Variants in FHIT observed in about 807,000 individuals in gnomAD.
FHIT encodes bis(5'-adenosyl)-triphosphatase.
Under a neutral mutation model 17.9 loss-of-function variants are expected in FHIT, and 19 were observed. The ratio of observed to expected loss-of-function variants is 1.06; its 90% confidence interval spans 0.74 to 1.56. The LOEUF is 1.56. Ranked by LOEUF, FHIT falls within the 40% of genes most tolerant of loss-of-function variation. FHIT has a pLI of 0.00. For missense variants in FHIT, 248 were observed against 189.2 expected, an observed-to-expected ratio of 1.31 and a Z score of -1.82; for synonymous variants, 81 against 69.7, an observed-to-expected ratio of 1.16 and a Z score of -0.81.
intron 2 of FHIT, among the ~76,000 whole-genome samples, chr3:61,175,803 G>T (rs2038140674): frequency 6.6e-6 from 1 of 152,132 alleles, no homozygotes; most frequent in Admixed American, 6.5e-5. Context: ...AGTCCTACTG[G>T]TGCATTGATC....
chr3:61,087,382 G>T (rs2035338730), intron 2 of FHIT, among the ~76,000 whole-genome samples: 2 of 152,054 alleles, frequency 1.3e-5, no homozygotes, highest in South Asian at 4.2e-4. Context: ...TTTCTCTGGA[G>T]TGTGACAAAC....
intron 4 of FHIT, among the ~76,000 whole-genome samples, chr3:60,610,681 G>A (rs984555038): frequency 1.8e-4 from 27 of 152,196 alleles, no homozygotes; most frequent in South Asian, 1.0e-3. Flanking sequence ...AGCAAACTTC[G>A]AAAAAATATT....
Position 60,867,328 on chromosome 3 carries a change from A to G in FHIT, c.-110-45317T>C, listed in dbSNP as rs181373019. ...GTACTCATAAGCAAATATAGGAGAC[A>G]TCACAAAGATGCAAATATGTATTCA... is the stretch of plus-strand genomic sequence containing the variant. On this transcript the variant is annotated intron_variant, in intron 3 of 9. Transcript: ENST00000492590. 1.3e-3 allele frequency among the ~76,000 whole-genome samples: 199 copies of G among 152,320 alleles called. 1 individual carries two copies. The highest frequency in any genetic ancestry group is 4.7e-3 in the African/African-American group (194 of 41,578).
intron 8 of FHIT, among the ~76,000 whole-genome samples, chr3:59,863,653 T>C (rs1161671694): frequency 6.6e-6 from 1 of 152,194 alleles, no homozygotes; most frequent in Non-Finnish European, 1.5e-5. Context: ...TGAAAACAAG[T>C]GAATGAATTA....
chr3:60,404,329 A>C (rs1701769070), intron 5 of FHIT, among the ~76,000 whole-genome samples: 1 of 152,202 alleles, frequency 6.6e-6, no homozygotes, highest in Admixed American at 6.5e-5. Flanking sequence ...TTACCTAGAA[A>C]AACAAACAAA....
At chr3:61,163,514 T>G (rs76155799) in intron 2 of FHIT, among the ~76,000 whole-genome samples, 1 of 152,082 alleles carries the variant, frequency 6.6e-6, no homozygotes, top group Admixed American at 6.6e-5. Context: ...AGCAGGAAAG[T>G]CTCTCTGACC....
chr3:60,132,755 T>C (rs1205548835), intron 5 of FHIT, among the ~76,000 whole-genome samples: 1 of 152,166 alleles, frequency 6.6e-6, no homozygotes, highest in African/African-American at 2.4e-5. Context: ...CTGATTTTTA[T>C]GGATCTACAT....
chr3:60,383,026 A>G (rs1340216846), intron 5 of FHIT, among the ~76,000 whole-genome samples: 1 of 152,216 alleles, frequency 6.6e-6, no homozygotes, highest in Admixed American at 6.5e-5. Flanking sequence ...TTCACTAGGA[A>G]AAAACAAACT....
At chr3:59,847,047 T>C (rs1026440261) in intron 8 of FHIT, among the ~76,000 whole-genome samples, 7 of 152,208 alleles carry the variant, frequency 4.6e-5, no homozygotes, top group African/African-American at 1.7e-4. Flanking sequence ...TTATAATGTG[T>C]TTTGGTGTGA....
intron 7 of FHIT, among the ~76,000 whole-genome samples, chr3:59,999,400 C>T (rs1045233381): frequency 6.6e-6 from 1 of 152,144 alleles, no homozygotes; most frequent in Non-Finnish European, 1.5e-5. Context: ...TTAAGCTCTT[C>T]TAGGGCCATT....
chr3:60,499,934 T>C (rs1340494181), intron 5 of FHIT, among the ~76,000 whole-genome samples: 2 of 152,242 alleles, frequency 1.3e-5, no homozygotes, highest in Non-Finnish European at 2.9e-5. Flanking sequence ...TTGTGATTTA[T>C]GGGTTTACAT....
intron 8 of FHIT, among the ~76,000 whole-genome samples, chr3:59,810,527 T>A (rs1483211228): frequency 6.6e-6 from 1 of 152,154 alleles, no homozygotes; most frequent in Non-Finnish European, 1.5e-5. Context: ...GAATAAGAAA[T>A]AACTTACCAA....
intron 5 of FHIT, among the ~76,000 whole-genome samples, chr3:60,017,514 G>A (rs910033764): frequency 6.6e-6 from 1 of 152,180 alleles, no homozygotes. Context: ...TCTATCACTG[G>A]GTCAGGTTGT....
chr3:60,547,680 C>G (rs978926857), intron 4 of FHIT, among the ~76,000 whole-genome samples: 3 of 152,172 alleles, frequency 2.0e-5, no homozygotes, highest in African/African-American at 7.2e-5. Flanking sequence ...TCCTACAATT[C>G]TCGCCAGCTG....
Position 60,560,844 on chromosome 3 carries a change from C to CACAGAG in FHIT, c.-17-23866_-17-23865insCTCTGT, listed in dbSNP as rs139684970. 3.8e-3 allele frequency among the ~76,000 whole-genome samples: 462 copies of CACAGAG among 122,306 alleles called. 2 individuals are homozygous for CACAGAG. Among genetic ancestry groups the CACAGAG allele is most frequent in the South Asian group, 0.01 (28 of 2,774 alleles). The allele number at this position is 122,306 out of a possible 152,430, so 80.2% of individuals were successfully genotyped here. A position where few individuals can be genotyped will look rare whatever the true frequency, so the allele number is the denominator to read the frequency against. On this transcript the variant is annotated intron_variant, in intron 4 of 9. Transcript: ENST00000492590. ...ACACACACACACACACACACACACA[C>CACAGAG]AGAGAGAGAGAGAGTGTGTGTGTGT...
intron 4 of FHIT, among the ~76,000 whole-genome samples, chr3:60,572,291 A>C (rs925608907): frequency 2.0e-5 from 3 of 150,774 alleles, no homozygotes; most frequent in African/African-American, 4.9e-5. Flanking sequence ...TATATTTATA[A>C]TTCCTTCTAA....
At chr3:60,838,450 C>T (rs1575585092) in intron 3 of FHIT, among the ~76,000 whole-genome samples, 1 of 152,210 alleles carries the variant, frequency 6.6e-6, no homozygotes, top group East Asian at 1.9e-4. Context: ...CCAGCCTGGG[C>T]GACAGAGCAA....
chr3:61,202,406 C>T lies in FHIT; in HGVS notation c.-212-1741G>A, dbSNP rs569313904. Reference sequence around the variant, plus strand: ...CTGGGAAGTGAGGAGCGCCTCTGCCCGGACGCTGTGCAACCTTCCAAGTGT... The same window carrying T: ...CTGGGAAGTGAGGAGCGCCTCTGCCTGGACGCTGTGCAACCTTCCAAGTGT... On this transcript the variant is annotated intron_variant, in intron 1 of 9. Transcript: ENST00000492590. 1.7e-3 allele frequency among the ~76,000 whole-genome samples: 253 copies of T among 152,188 alleles called. 1 individual carries two copies. The highest frequency in any genetic ancestry group is 5.6e-3 in the African/African-American group (232 of 41,522).
intron 8 of FHIT, among the ~76,000 whole-genome samples, chr3:59,921,722 G>T (rs1243838620): frequency 2.0e-5 from 3 of 152,230 alleles, no homozygotes; most frequent in Admixed American, 6.5e-5. Context: ...GCATCTGAAA[G>T]TTCTCATGTA....
Sources: allele counts gnomAD v4.1 joint callset (sites outside exome capture counted in the v4.1 genomes callset), GRCh38; gene constraint gnomAD v4.1.1; transcripts MANE v1.5; gene names NCBI Gene and HGNC (gene_info 2026-07-23, HGNC 2026-07-21).